Variants in DLG2 observed in about 807,000 individuals in gnomAD.
DLG2 encodes the protein discs large MAGUK scaffold protein 2.
Under a neutral mutation model 132.5 loss-of-function variants are expected in DLG2, and 45 were observed. That is an observed-to-expected ratio of 0.34 (90% CI 0.27 to 0.44). DLG2 has a LOEUF of 0.44. Ranked by LOEUF, DLG2 falls within the 20% of genes least tolerant of loss-of-function variation. DLG2 has a pLI of 1.00. For missense variants in DLG2, 1,045 were observed against 1,196.9 expected, an observed-to-expected ratio of 0.87 and a Z score of 1.87; for synonymous variants, 424 against 419.6, an observed-to-expected ratio of 1.01 and a Z score of -0.13.
In DLG2 at chr11:84,711,361, AGAGAGAGAGAGAGAGAGAGATC is replaced by A. The variant is rs1285851305; in HGVS notation, c.358-176652_358-176631del. Among the ~76,000 whole-genome samples the A allele has an allele frequency of 8.1e-3, 803 of 98,706 alleles. 12 individuals carry two copies. Among genetic ancestry groups the A allele is most frequent in the African/African-American group, 0.059 (718 of 12,196 alleles). The allele number at this position is 98,706 out of a possible 152,430, so 64.8% of individuals were successfully genotyped here. A position where few individuals can be genotyped will look rare whatever the true frequency, so the allele number is the denominator to read the frequency against. The stretch of plus-strand genomic sequence containing the variant: ...GAGAGAGAGAGAGAGAGAGAGAGAG[AGAGAGAGAGAGAGAGAGAGATC>A]GATCGATCTAGCTATCCTCCCCCAC... On this transcript the variant is annotated intron_variant, in intron 6 of 27. Coordinates refer to ENST00000376104, the MANE Select transcript of DLG2 (RefSeq NM_001142699.3).
Position 83,812,389 on chromosome 11 carries a change from T to C in DLG2, c.1722+21225A>G, listed in dbSNP as rs947561570. On this transcript the variant is annotated intron_variant, in intron 17 of 27. Coordinates refer to ENST00000376104, the MANE Select transcript of DLG2 (RefSeq NM_001142699.3). Reference sequence around the variant, plus strand: ...TGGCCTCAAGACTATCTAGTCCACATTTATTGAACATCTACAATGTGCCAG... The same window carrying C: ...TGGCCTCAAGACTATCTAGTCCACACTTATTGAACATCTACAATGTGCCAG... Among the ~76,000 whole-genome samples, 3 of 152,296 alleles carry C rather than the reference T, an allele frequency of 2.0e-5. No individual in the cohort carries two copies. In the South Asian group the frequency reaches 6.2e-4, roughly 32 times the overall value.
chr11:84,334,635 T>A (rs1353596730), intron 7 of DLG2, among the ~76,000 whole-genome samples: 1 of 152,232 alleles, frequency 6.6e-6, no homozygotes, highest in Non-Finnish European at 1.5e-5. Context: ...ATTAATTGCA[T>A]ACCTACTATA....
chr11:84,065,456 TA>T (rs1566308496), intron 10 of DLG2, among the ~76,000 whole-genome samples: 1 of 152,138 alleles, frequency 6.6e-6, no homozygotes, highest in African/African-American at 2.4e-5. Context: ...CCAGCAAGCA[TA>T]TGAAAAAATG....
chr11:85,006,079 T>C (rs939220269), intron 6 of DLG2, among the ~76,000 whole-genome samples: 3 of 152,218 alleles, frequency 2.0e-5, no homozygotes, highest in African/African-American at 7.2e-5. Context: ...GAAGCCAACT[T>C]GATCTTGGTG....
intron 8 of DLG2, among the ~76,000 whole-genome samples, chr11:84,223,802 C>G (rs1231710528): frequency 1.3e-5 from 2 of 152,138 alleles, no homozygotes; most frequent in African/African-American, 4.8e-5. Context: ...GGTGATCTGG[C>G]CCCTCAGCCT....
intron 5 of DLG2, chr11:85,132,938 T>C (rs1047009297): frequency 2.4e-6 from 1 of 422,194 alleles, no homozygotes. Context: ...GGGCCCCTCA[T>C]GGGAAACTCG....
At chr11:84,014,928 T>A (rs1040444957) in intron 11 of DLG2, among the ~76,000 whole-genome samples, 1 of 152,136 alleles carries the variant, frequency 6.6e-6, no homozygotes, top group Non-Finnish European at 1.5e-5. Context: ...TACTTCTTGT[T>A]CTGGAAAGTC....
At chr11:83,679,869 C>T (rs2078437741) in intron 18 of DLG2, among the ~76,000 whole-genome samples, 2 of 152,138 alleles carry the variant, frequency 1.3e-5, no homozygotes, top group Admixed American at 1.3e-4. Context: ...GAACCCCTGC[C>T]CTTTCCATTT....
At chr11:84,369,175 A>G (rs2098696171) in intron 7 of DLG2, among the ~76,000 whole-genome samples, 1 of 152,082 alleles carries the variant, frequency 6.6e-6, no homozygotes, top group South Asian at 2.1e-4. Flanking sequence ...TTAAATACAC[A>G]AATCTGTGAG....
chr11:83,510,924 T>A (rs1268553141), intron 21 of DLG2, among the ~76,000 whole-genome samples: 1 of 144,258 alleles, frequency 6.9e-6, no homozygotes, highest in Non-Finnish European at 1.5e-5. Flanking sequence ...CTCACTTGGC[T>A]AGGATTTAAA....
At chr11:84,441,725 G>A (rs981341474) in intron 7 of DLG2, among the ~76,000 whole-genome samples, 1 of 152,096 alleles carries the variant, frequency 6.6e-6, no homozygotes, top group African/African-American at 2.4e-5. Context: ...GCCTATAAAT[G>A]AATAAAGTAC....
chr11:83,535,968 T>C (rs1472040571), intron 20 of DLG2, among the ~76,000 whole-genome samples: 4 of 152,168 alleles, frequency 2.6e-5, no homozygotes, highest in Non-Finnish European at 5.9e-5. Context: ...GACAGCTAAC[T>C]TCAGTGTCTG....
chr11:83,836,400 G>A (rs2056184001), intron 16 of DLG2, among the ~76,000 whole-genome samples: 1 of 152,090 alleles, frequency 6.6e-6, no homozygotes, highest in Non-Finnish European at 1.5e-5. Context: ...GCCATCAACT[G>A]GGGCCTCTCT....
intron 6 of DLG2, among the ~76,000 whole-genome samples, chr11:84,837,459 C>T (rs1469665276): frequency 2.6e-5 from 4 of 151,750 alleles, no homozygotes; most frequent in African/African-American, 9.7e-5. Context: ...TACCTGGCAA[C>T]CCCTGCCCAT....
intron 4 of DLG2, among the ~76,000 whole-genome samples, chr11:85,283,325 A>G (rs1469577917): frequency 3.3e-5 from 5 of 151,922 alleles, no homozygotes; most frequent in Non-Finnish European, 7.4e-5. Flanking sequence ...AAGCCTAGAA[A>G]AAAATACAGG....
chr11:84,101,958 C>A (rs1445489440), intron 9 of DLG2, among the ~76,000 whole-genome samples: 1 of 152,046 alleles, frequency 6.6e-6, no homozygotes. Flanking sequence ...CACACTTTAC[C>A]CCCCAGGAAC....
rs2089250210 is a variant in DLG2 at position 83,457,845 on chromosome 11, G to A, written c.*1973C>T. ...GTCTCTGGAAATTTAACTTTCATGA[G>A]AGGGAGAATGCATTGCTAGCCCTTC... On this transcript the variant is annotated 3_prime_UTR_variant, in exon 28 of 28. Transcript: ENST00000376104. The A allele has an allele frequency of 6.6e-6, 1 of 152,638 alleles. No homozygotes were observed. Among genetic ancestry groups the A allele is most frequent in the Admixed American group, 6.5e-5 (1 of 15,280 alleles). 9.5% of individuals were successfully genotyped at this position (152,638 alleles called of 1,614,324 possible).
intron 16 of DLG2, among the ~76,000 whole-genome samples, chr11:83,873,905 C>A (rs530678641): frequency 6.6e-6 from 1 of 152,262 alleles, no homozygotes; most frequent in South Asian, 2.1e-4. Context: ...TTATGCATAT[C>A]TCCTATAGAG....
At chr11:84,611,539 T>C (rs1036435942) in intron 6 of DLG2, among the ~76,000 whole-genome samples, 7 of 152,170 alleles carry the variant, frequency 4.6e-5, no homozygotes, top group African/African-American at 1.7e-4. Context: ...CTCTTGACTT[T>C]ACCACTCTAA....
Sources: gnomAD v4.1 joint callset for allele counts (sites outside exome capture counted in the v4.1 genomes callset) on GRCh38, gnomAD v4.1.1 for gene constraint, MANE v1.5 for transcripts, NCBI Gene and HGNC (gene_info 2026-07-23, HGNC 2026-07-21) for gene names.